Variants in CHIC2 observed in about 807,000 individuals in gnomAD.
CHIC2 encodes the protein cysteine-rich hydrophobic domain-containing protein 2.
A neutral mutation model predicts 25.9 loss-of-function variants in CHIC2; 14 were observed. That is an observed-to-expected ratio of 0.54 (90% CI 0.36 to 0.85). The LOEUF is 0.85. Ranked by LOEUF, CHIC2 falls within the 40% of genes least tolerant of loss-of-function variation. CHIC2 has a pLI of 0.01. For missense variants in CHIC2, 146 were observed against 202.0 expected, an observed-to-expected ratio of 0.72 and a Z score of 1.68; for synonymous variants, 70 against 72.0, an observed-to-expected ratio of 0.97 and a Z score of 0.14.
At chr4:54,047,125 C>T (rs1000577662) in intron 3 of CHIC2, among the ~76,000 whole-genome samples, 30 of 152,158 alleles carry the variant, frequency 2.0e-4, no homozygotes, top group East Asian at 1.2e-3. Context: ...GTTAGAATGG[C>T]GATCATTAAA....
At chr4:54,040,973 ATT>A (rs112593395) in intron 3 of CHIC2, among the ~76,000 whole-genome samples, 7 of 139,400 alleles carry the variant, frequency 5.0e-5, no homozygotes, top group Admixed American at 7.3e-5. Context: ...TTGGGGATAG[ATT>A]TTTTTTTTTT....
chr4:54,031,609 T>G (rs532076455), intron 3 of CHIC2, among the ~76,000 whole-genome samples: 45 of 149,206 alleles, frequency 3.0e-4, no homozygotes, highest in Admixed American at 4.0e-4. Context: ...TAGATGTACT[T>G]GCTTTTTTTT....
the CHIC2 span, among the ~76,000 whole-genome samples, chr4:54,070,406 TTATGTATTTATG>T: frequency 0.04 from 3,555 of 88,026 alleles, 55 homozygotes; most frequent in Non-Finnish European, 0.074. Flanking sequence ...ATTTATTTAT[TTATGTATTTATG>T]TATTTATTTA....
At chr4:54,063,425 C>G (rs961260749) in intron 1 of CHIC2, among the ~76,000 whole-genome samples, 2 of 152,124 alleles carry the variant, frequency 1.3e-5, no homozygotes, top group Non-Finnish European at 2.9e-5. Context: ...ATGGTCTTTC[C>G]GAAAGCTTTC....
intron 1 of CHIC2, among the ~76,000 whole-genome samples, chr4:54,056,689 T>C (rs1316813207): frequency 3.3e-5 from 5 of 152,130 alleles, no homozygotes. Flanking sequence ...AACTCTATCC[T>C]AAGTAGATAG....
the CHIC2 span, among the ~76,000 whole-genome samples, chr4:54,073,109 G>A: frequency 6.6e-6 from 1 of 151,044 alleles, no homozygotes; most frequent in African/African-American, 2.4e-5. Flanking sequence ...TTTTTTGTTT[G>A]TGAGCTAAAC....
At chr4:54,021,188 A>G (rs983575923) in intron 3 of CHIC2, among the ~76,000 whole-genome samples, 2 of 152,138 alleles carry the variant, frequency 1.3e-5, no homozygotes, top group Non-Finnish European at 2.9e-5. Context: ...ACCCCAATAC[A>G]AACTCGATAA....
chr4:54,054,911 C>T (rs1411256931), intron 1 of CHIC2, among the ~76,000 whole-genome samples: 1 of 152,074 alleles, frequency 6.6e-6, no homozygotes, highest in Non-Finnish European at 1.5e-5. Context: ...CAATAGTAAG[C>T]AGAAACTGAG....
chr4:54,020,658 C>T (rs11940983), intron 3 of CHIC2, among the ~76,000 whole-genome samples: 1,659 of 152,208 alleles, frequency 0.011, 25 homozygotes, highest in African/African-American at 0.037. Flanking sequence ...ATCGGGTAAG[C>T]GGTCTTTTCA....
intron 3 of CHIC2, among the ~76,000 whole-genome samples, chr4:54,038,835 A>G (rs1352049424): frequency 6.6e-6 from 1 of 152,144 alleles, no homozygotes; most frequent in African/African-American, 2.4e-5. Context: ...CAACCTGGGC[A>G]ACACAGCAAG....
At chr4:54,028,830 A>G (rs115387189) in intron 3 of CHIC2, among the ~76,000 whole-genome samples, 3,719 of 152,328 alleles carry the variant, frequency 0.024, 154 homozygotes, top group African/African-American at 0.082. Flanking sequence ...AGTAGGTGCA[A>G]AAGTCAAACA....
chr4:54,039,189 T>G (rs527572747), intron 3 of CHIC2, among the ~76,000 whole-genome samples: 2 of 152,222 alleles, frequency 1.3e-5, no homozygotes, highest in South Asian at 4.1e-4. Flanking sequence ...TTAGGCAAAT[T>G]CTTAGATACA....
chr4:54,043,798 T>G (rs1404648710), intron 3 of CHIC2, among the ~76,000 whole-genome samples: 1 of 152,038 alleles, frequency 6.6e-6, no homozygotes, highest in East Asian at 1.9e-4. Context: ...AATTCACACA[T>G]AACAATAATA....
intron 3 of CHIC2, among the ~76,000 whole-genome samples, chr4:54,047,702 T>C (rs1294954090): frequency 2.0e-5 from 3 of 150,624 alleles, no homozygotes; most frequent in African/African-American, 7.3e-5. Context: ...TAATGTTAAA[T>C]GACGAGTTAA....
chr4:54,087,759 T>G, the CHIC2 span: 1 of 487,148 alleles, frequency 2.1e-6, no homozygotes, highest in East Asian at 3.3e-5. Context: ...AAGTAGCTTC[T>G]GCTAAGTACC....
At chr4:54,072,076 C>T in the CHIC2 span, among the ~76,000 whole-genome samples, 24,314 of 151,902 alleles carry the variant, frequency 0.16, 2,497 homozygotes, top group Middle Eastern at 0.27. Flanking sequence ...GGGCGAATCA[C>T]GAGGTCAGGA....
At chr4:54,013,600 T>C (rs1397700134) in intron 5 of CHIC2, among the ~76,000 whole-genome samples, 4 of 152,128 alleles carry the variant, frequency 2.6e-5, no homozygotes, top group Admixed American at 6.6e-5. Context: ...TATTTTATCT[T>C]GGCAATTAAT....
chr4:54,037,381 G>A (rs115239781), intron 3 of CHIC2, among the ~76,000 whole-genome samples: 1,551 of 151,950 alleles, frequency 0.01, 21 homozygotes, highest in African/African-American at 0.035. Flanking sequence ...AATAAAACAA[G>A]AAGACAAAAA....
At chr4:54,022,426 C>T (rs1317935265) in intron 3 of CHIC2, among the ~76,000 whole-genome samples, 1 of 152,114 alleles carries the variant, frequency 6.6e-6, no homozygotes, top group Non-Finnish European at 1.5e-5. Context: ...ACCTGTTTCC[C>T]TTGCCCCCAT....
Sources: allele counts gnomAD v4.1 joint callset (sites outside exome capture counted in the v4.1 genomes callset), GRCh38; gene constraint gnomAD v4.1.1; transcripts MANE v1.5; gene names NCBI Gene and HGNC (gene_info 2026-07-23, HGNC 2026-07-21).